SLC7A14: variants seen among roughly 807,000 people sequenced by gnomAD.
SLC7A14 encodes the protein gamma-aminobutyric acid transporter SLC7A14.
A neutral mutation model predicts 60.2 loss-of-function variants in SLC7A14; 37 were observed. That is an observed-to-expected ratio of 0.61 (90% confidence interval 0.47 to 0.81). The LOEUF (loss-of-function observed/expected upper bound fraction) is 0.81, where lower values mean the gene tolerates loss of function less well. SLC7A14 is among the 30% of genes least tolerant of loss of function. The pLI is 0.00. For synonymous variants in SLC7A14, 399 were observed against 395.8 expected (o/e 1.01, Z -0.10); for missense variants, 886 against 982.7 (o/e 0.90, Z 1.32).
At chr3:170,512,236 C>A (rs1158461718) in intron 2 of SLC7A14, among the ~76,000 whole-genome samples, 1 of 152,186 alleles carries the variant, frequency 6.6e-6, no homozygotes, top group Non-Finnish European at 1.5e-5. Context: ...CCCACCTGAG[C>A]CCTCACGTGG....
intron 1 of SLC7A14, among the ~76,000 whole-genome samples, chr3:170,577,011 C>T (rs1018227105): frequency 3.9e-5 from 6 of 152,110 alleles, no homozygotes; most frequent in African/African-American, 1.4e-4. Context: ...AGCTGTCAAC[C>T]CTGGTTCAGA....
intron 7 of SLC7A14, among the ~76,000 whole-genome samples, chr3:170,478,033 G>T (rs545951973): frequency 3.3e-5 from 5 of 152,238 alleles, no homozygotes; most frequent in Admixed American, 3.3e-4. Flanking sequence ...AAAATGTTTA[G>T]AGATAAGAGA....
At chr3:170,584,281 G>A (rs1295301507) in intron 1 of SLC7A14, among the ~76,000 whole-genome samples, 4 of 152,178 alleles carry the variant, frequency 2.6e-5, no homozygotes, top group Admixed American at 6.5e-5. Flanking sequence ...ATGCAGTGGG[G>A]AAAGAAGGGT....
intron 1 of SLC7A14, among the ~76,000 whole-genome samples, chr3:170,533,641 A>G (rs899230173): frequency 7.0e-6 from 1 of 143,652 alleles, no homozygotes; most frequent in African/African-American, 2.8e-5. Flanking sequence ...TTTTTGATCC[A>G]TCTGGCCCAG....
chr3:170,499,000 G>C, intron 3 of SLC7A14, 116 bp from the exon 4 acceptor site: 1 of 867,296 alleles, frequency 1.2e-6, no homozygotes, highest in South Asian at 1.7e-5. Context: ...AAACTGGGAG[G>C]CCGAGGCAGG....
Position 170,463,748 on chromosome 3 carries a change from A to G in SLC7A14, c.*3307T>C, listed in dbSNP as rs1483427355. On this transcript the variant is annotated 3_prime_UTR_variant, in exon 8 of 8. Coordinates refer to ENST00000231706, the MANE Select transcript of SLC7A14 (RefSeq NM_020949.3). ...TTACGATATCAATATCTGCCATAGT[A>G]CATAATAGGCACTCCACAAGTAATT... 3 of 152,168 alleles carry G rather than the reference A, an allele frequency of 2.0e-5. No homozygotes were observed. The highest frequency in any genetic ancestry group is 4.8e-5 in the African/African-American group (2 of 41,394). The allele number at this position is 152,168 out of a possible 1,614,324, so 9.4% of individuals were successfully genotyped here. A position where few individuals can be genotyped will look rare whatever the true frequency, so the allele number is the denominator to read the frequency against.
At chr3:170,474,078 C>T (rs1711526143) in intron 7 of SLC7A14, among the ~76,000 whole-genome samples, 1 of 152,160 alleles carries the variant, frequency 6.6e-6, no homozygotes, top group African/African-American at 2.4e-5. Context: ...CAACTAGAAA[C>T]AACCCAAATG....
intron 2 of SLC7A14, among the ~76,000 whole-genome samples, chr3:170,508,003 TG>T (rs1469842062): frequency 6.6e-6 from 1 of 152,216 alleles, no homozygotes; most frequent in Non-Finnish European, 1.5e-5. Flanking sequence ...GCTCCAGATC[TG>T]AAGCTGCGTA....
chr3:170,510,398 A>AAT lies in SLC7A14; in HGVS notation c.305-9054_305-9053insAT, dbSNP rs1712937205. ...GAGCAAGACTCTGTCAAAAAAAAAAAAATAAATAAATAAATAAATAAATAA... is the reference window on the plus strand; with the variant it reads ...GAGCAAGACTCTGTCAAAAAAAAAAAATAATAAATAAATAAATAAATAAATAA... On this transcript the variant is annotated intron_variant, in intron 2 of 7. Transcript: ENST00000231706. 1.8e-4 allele frequency among the ~76,000 whole-genome samples: 25 copies of AAT among 139,686 alleles called. No homozygotes were observed. The South Asian group carries it at 5.6e-3, about 31-fold the overall frequency. The allele number at this position is 139,686 out of a possible 152,430, so 91.6% of individuals were successfully genotyped here. A position where few individuals can be genotyped will look rare whatever the true frequency, so the allele number is the denominator to read the frequency against.
At chr3:170,475,798 C>T (rs946602748) in intron 7 of SLC7A14, among the ~76,000 whole-genome samples, 8 of 152,186 alleles carry the variant, frequency 5.3e-5, no homozygotes, top group African/African-American at 1.4e-4. Flanking sequence ...CTGTAACCTC[C>T]GCCTCCAGGG....
chr3:170,582,792 G>A (rs1260215882), intron 1 of SLC7A14, among the ~76,000 whole-genome samples: 1 of 152,190 alleles, frequency 6.6e-6, no homozygotes, highest in African/African-American at 2.4e-5. Flanking sequence ...TAAATGCTAT[G>A]TTTTGGAGCA....
chr3:170,492,001 G>A (rs958948787), intron 4 of SLC7A14, among the ~76,000 whole-genome samples: 7 of 152,296 alleles, frequency 4.6e-5, no homozygotes, highest in South Asian at 2.1e-4. Flanking sequence ...ACTTGAGTTG[G>A]TTTGAATGAG....
chr3:170,505,603 T>C (rs1712753593), intron 2 of SLC7A14, among the ~76,000 whole-genome samples: 2 of 152,150 alleles, frequency 1.3e-5, no homozygotes, highest in South Asian at 4.1e-4. Flanking sequence ...GAGAGATCAA[T>C]GGCCGGGCGC....
Position 170,481,132 on chromosome 3 carries a change from G to T in SLC7A14, c.1150C>A (p.Pro384Thr). ...CCCGACACGATGCAGGCCACCACTG[G>T]TGTCTCTGTGTAGGAGCTGACGTGA... The part of the protein sequence containing the change: ...LAHVSSYTET[P>T]VVACIVSGFL... Residue 384 changes from proline (P) to threonine (T), a missense_variant, in exon 7 of 8, where the codon CCA (proline) becomes ACA (threonine). Coordinates refer to ENST00000231706, the MANE Select transcript of SLC7A14 (RefSeq NM_020949.3). The T allele has an allele frequency of 1.2e-6, 2 of 1,613,970 alleles. No homozygotes were observed. The highest frequency in any genetic ancestry group is 1.7e-6 in the Non-Finnish European group (2 of 1,179,972).
chr3:170,472,584 T>C (rs1298537418), intron 7 of SLC7A14, among the ~76,000 whole-genome samples: 1 of 151,786 alleles, frequency 6.6e-6, no homozygotes, highest in Admixed American at 6.6e-5. Context: ...GCTAACACGG[T>C]GAAACCCCGT....
At chr3:170,573,049 C>T (rs1027780113) in intron 1 of SLC7A14, among the ~76,000 whole-genome samples, 5 of 152,136 alleles carry the variant, frequency 3.3e-5, no homozygotes, top group African/African-American at 1.2e-4. Context: ...CGCCACATGA[C>T]TGTTTTCTGT....
intron 2 of SLC7A14, among the ~76,000 whole-genome samples, chr3:170,515,212 C>G (rs1254625883): frequency 2.6e-5 from 4 of 151,904 alleles, no homozygotes; most frequent in Non-Finnish European, 5.9e-5. Context: ...ACCCAGGAGG[C>G]TGAGGCAGGA....
At chr3:170,499,665 C>G (rs997469417) in intron 3 of SLC7A14, among the ~76,000 whole-genome samples, 5 of 151,928 alleles carry the variant, frequency 3.3e-5, no homozygotes, top group African/African-American at 4.8e-5. Flanking sequence ...GGTTTTCTGT[C>G]CTTTTGTGTA....
intron 4 of SLC7A14, among the ~76,000 whole-genome samples, chr3:170,487,992 T>G (rs1462859990): frequency 6.6e-6 from 1 of 152,238 alleles, no homozygotes; most frequent in Non-Finnish European, 1.5e-5. Context: ...TTTCAGATTA[T>G]GATAGTTATT....
Sources: allele counts gnomAD v4.1 joint callset (sites outside exome capture counted in the v4.1 genomes callset), GRCh38; gene constraint gnomAD v4.1.1; transcripts MANE v1.5; gene names NCBI Gene and HGNC (gene_info 2026-07-23, HGNC 2026-07-21).